The following CEP128 variants were observed in gnomAD, a reference collection of about 807,000 sequenced individuals.
CEP128 encodes the protein centrosomal protein 128, also known as centrosomal protein 128kDa.
In CEP128, 132 loss-of-function variants were observed where a neutral mutation model predicts 156.7. The observed-to-expected ratio is 0.84, with a 90% CI of 0.73 to 0.97. CEP128 has a LOEUF of 0.97. Among genes scored for constraint, CEP128 ranks in the 50% least tolerant of loss-of-function variants. CEP128 has a pLI of 0.00. For missense variants in CEP128, 1,252 were observed against 1,281.9 expected (o/e 0.98, Z 0.36); for synonymous variants, 469 against 448.9 (o/e 1.04, Z -0.57).
intron 23 of CEP128, among the ~76,000 whole-genome samples, chr14:80,516,070 G>A (rs1594936868): frequency 6.6e-6 from 1 of 152,142 alleles, no homozygotes; most frequent in Admixed American, 6.5e-5. Context: ...GTTTCATCAT[G>A]TTAGCCAGGC....
chr14:80,840,018 GC>G (rs1394195060), intron 10 of CEP128, among the ~76,000 whole-genome samples: 1 of 152,160 alleles, frequency 6.6e-6, no homozygotes, highest in Admixed American at 6.5e-5. Flanking sequence ...CAGGGAAGCT[GC>G]CTTTACATGA....
intron 2 of CEP128, among the ~76,000 whole-genome samples, chr14:80,953,613 C>T (rs1377082860): frequency 6.6e-6 from 1 of 152,136 alleles, no homozygotes; most frequent in African/African-American, 2.4e-5. Flanking sequence ...AGGATAAATA[C>T]ATCATGATCA....
intron 16 of CEP128, among the ~76,000 whole-genome samples, chr14:80,762,219 G>C (rs1232428083): frequency 6.6e-6 from 1 of 152,080 alleles, no homozygotes; most frequent in African/African-American, 2.4e-5. Context: ...CCCTTTCAGA[G>C]ATTACAAGGA....
intron 19 of CEP128, among the ~76,000 whole-genome samples, chr14:80,647,361 G>C (rs1164583013): frequency 6.6e-6 from 1 of 151,188 alleles, no homozygotes; most frequent in Non-Finnish European, 1.5e-5. Context: ...TCTCATCTGA[G>C]GCCTTGCATT....
At chr14:80,522,614 TA>T (rs369122029) in intron 23 of CEP128, among the ~76,000 whole-genome samples, 2 of 152,226 alleles carry the variant, frequency 1.3e-5, no homozygotes, top group Admixed American at 6.5e-5. Context: ...CAATGTTAAT[TA>T]AAACCATATA....
chr14:80,655,103 A>C (rs1231170672), intron 19 of CEP128, among the ~76,000 whole-genome samples: 1 of 152,052 alleles, frequency 6.6e-6, no homozygotes, highest in East Asian at 1.9e-4. Context: ...AGGTAATGTA[A>C]TGTTTCTACC....
At chr14:80,566,757 C>G (rs965454102) in intron 20 of CEP128, among the ~76,000 whole-genome samples, 1 of 152,116 alleles carries the variant, frequency 6.6e-6, no homozygotes, top group African/African-American at 2.4e-5. Context: ...CATTAGATAC[C>G]TGTAGTCAAT....
At chr14:80,565,543 G>T (rs1890878608) in intron 20 of CEP128, among the ~76,000 whole-genome samples, 1 of 152,188 alleles carries the variant, frequency 6.6e-6, no homozygotes, top group Admixed American at 6.5e-5. Context: ...TATCTAAGCA[G>T]CTGGCAAGGT....
chr14:80,740,568 T>G (rs1309972608), intron 19 of CEP128, among the ~76,000 whole-genome samples: 2 of 149,776 alleles, frequency 1.3e-5, no homozygotes, highest in Non-Finnish European at 3.0e-5. Context: ...ATAGAAATGA[T>G]GCATATTTCT....
intron 19 of CEP128, among the ~76,000 whole-genome samples, chr14:80,732,396 G>A (rs1421370619): frequency 1.3e-5 from 2 of 151,808 alleles, no homozygotes; most frequent in African/African-American, 2.4e-5. Context: ...GAAAACCACT[G>A]AGGTTTCTAA....
chr14:80,825,375 C>T lies in CEP128; in HGVS notation c.1209+5768G>A, dbSNP rs58880060. On this transcript the variant is annotated intron_variant, in intron 13 of 24. Coordinates refer to ENST00000555265, the MANE Select transcript of CEP128 (RefSeq NM_152446.5). ...CCTCCAGCCTTAGCCTCACAAAGTGCTGGGATTACAGGCGTGAGCCATCAT... is the reference window on the plus strand; with the variant it reads ...CCTCCAGCCTTAGCCTCACAAAGTGTTGGGATTACAGGCGTGAGCCATCAT... Among the ~76,000 whole-genome samples the T allele has an allele frequency of 7.6e-3, 1,153 of 152,328 alleles. 14 individuals are homozygous for T. The highest frequency in any genetic ancestry group is 0.026 in the African/African-American group (1,090 of 41,568).
chr14:80,862,510 T>C (rs1887560562), intron 9 of CEP128, among the ~76,000 whole-genome samples: 1 of 152,222 alleles, frequency 6.6e-6, no homozygotes, highest in African/African-American at 2.4e-5. Flanking sequence ...ATACTATTAT[T>C]ATTTCCATTT....
chr14:80,869,346 GAACA>G (rs1371959889), intron 8 of CEP128, among the ~76,000 whole-genome samples: 2 of 151,814 alleles, frequency 1.3e-5, no homozygotes, highest in African/African-American at 4.8e-5. Flanking sequence ...ACACAATTCT[GAACA>G]ATCAATGGGT....
chr14:80,858,820 A>G (rs923885472), intron 9 of CEP128, among the ~76,000 whole-genome samples: 71 of 152,340 alleles, frequency 4.7e-4, no homozygotes, highest in Non-Finnish European at 9.0e-4. Context: ...TGGCCACCAG[A>G]GAAATGCAAA....
At chr14:80,507,562 T>C (rs1158516446) in intron 23 of CEP128, among the ~76,000 whole-genome samples, 4 of 152,192 alleles carry the variant, frequency 2.6e-5, no homozygotes, top group African/African-American at 2.4e-5. Context: ...GGTTTTGATA[T>C]AAATCATGGT....
intron 23 of CEP128, among the ~76,000 whole-genome samples, chr14:80,515,624 C>T (rs571965210): frequency 7.9e-5 from 12 of 152,310 alleles, no homozygotes; most frequent in Admixed American, 5.2e-4. Flanking sequence ...CAGGCTCCTA[C>T]CTGGTCTAGG....
chr14:80,921,961 CAAA>C (rs369072626), intron 2 of CEP128, among the ~76,000 whole-genome samples: 2 of 131,302 alleles, frequency 1.5e-5, no homozygotes, highest in African/African-American at 5.7e-5. Context: ...GACTCCATCC[CAAA>C]AAAAAAAAAA....
intron 19 of CEP128, among the ~76,000 whole-genome samples, chr14:80,580,822 C>T (rs1891559765): frequency 6.6e-6 from 1 of 152,050 alleles, no homozygotes; most frequent in East Asian, 1.9e-4. Context: ...TAAAAACAAA[C>T]CATTTGCCCT....
At chr14:80,657,567 C>T (rs1367942698) in intron 19 of CEP128, among the ~76,000 whole-genome samples, 2 of 151,976 alleles carry the variant, frequency 1.3e-5, no homozygotes, top group African/African-American at 2.4e-5. Flanking sequence ...AGGAAAATCG[C>T]TTGAACCCAG....
Sources: allele counts gnomAD v4.1 joint callset (sites outside exome capture counted in the v4.1 genomes callset), GRCh38; gene constraint gnomAD v4.1.1; transcripts MANE v1.5; gene names NCBI Gene and HGNC (gene_info 2026-07-23, HGNC 2026-07-21).